The following CHD2 variants were observed in gnomAD, a reference collection of about 807,000 sequenced individuals.
CHD2 encodes the protein ATP-dependent chromatin remodeler CHD2.
Under a neutral mutation model 243.9 loss-of-function variants are expected in CHD2, and 28 were observed. The ratio of observed to expected loss-of-function variants is 0.11; its 90% CI spans 0.09 to 0.16. The LOEUF (loss-of-function observed/expected upper bound fraction) is 0.16, where lower values mean the gene tolerates loss of function less well. Among genes scored for constraint, CHD2 ranks in the 10% least tolerant of loss-of-function variants. The pLI is 1.00. For missense variants in CHD2, 1,386 were observed against 2,209.8 expected (o/e 0.63, Z 7.47); for synonymous variants, 775 against 779.0 (o/e 0.99, Z 0.09).
chr15:92,990,229 C>G lies in CHD2; in HGVS notation c.3414-1247C>G, dbSNP rs536936140. Reference sequence around the variant, plus strand: ...AACTCTCAACCTCTTCTTTACCCTCCAGTGGCTGCTGTGCTGCTGGTTACA... The same window carrying G: ...AACTCTCAACCTCTTCTTTACCCTCGAGTGGCTGCTGTGCTGCTGGTTACA... On this transcript the variant is annotated intron_variant, in intron 26 of 38. Coordinates refer to ENST00000394196, the MANE Select transcript of CHD2 (RefSeq NM_001271.4). 1.6e-4 allele frequency among the ~76,000 whole-genome samples: 25 copies of G among 152,304 alleles called. No individual in the cohort carries two copies. In the South Asian group the frequency reaches 3.9e-3, roughly 24 times the overall value.
intron 3 of CHD2, among the ~76,000 whole-genome samples, chr15:92,925,021 G>C (rs1283232011): frequency 6.6e-6 from 1 of 152,082 alleles, no homozygotes. Flanking sequence ...TTCTGGTCTT[G>C]AACTTCTGAC....
At chr15:93,005,195 G>GGA (rs2054304956) in intron 34 of CHD2, among the ~76,000 whole-genome samples, 1 of 152,188 alleles carries the variant, frequency 6.6e-6, no homozygotes, top group African/African-American at 2.4e-5. Context: ...GGGCTCTGGA[G>GGA]GAGAGAGAGT....
intron 2 of CHD2, chr15:92,901,684 C>G (rs2052530548): frequency 2.8e-6 from 1 of 352,862 alleles, no homozygotes; most frequent in South Asian, 1.2e-4. Flanking sequence ...CAAATTTTTT[C>G]TTTGAAGAAT....
intron 11 of CHD2, 38 bp from the exon 12 acceptor site, chr15:92,946,000 A>C (rs747575086): frequency 5.6e-5 from 85 of 1,527,288 alleles, no homozygotes; most frequent in Non-Finnish European, 7.2e-5. Flanking sequence ...CTTTTAATTG[A>C]CAGTTGCTAA....
intron 20 of CHD2, chr15:92,978,005 T>C (rs2053931973): frequency 2.0e-6 from 1 of 503,918 alleles, no homozygotes; most frequent in Non-Finnish European, 3.6e-6. Context: ...CCCATTGCCT[T>C]ATTAGAGTCT....
intron 22 of CHD2, among the ~76,000 whole-genome samples, chr15:92,979,512 T>C (rs745549803): frequency 2.0e-5 from 3 of 152,174 alleles, no homozygotes; most frequent in Admixed American, 1.3e-4. Flanking sequence ...TCCCTTACCT[T>C]TGCTTTTGGC....
At chr15:92,922,244 A>G (rs1425363217) in intron 2 of CHD2, among the ~76,000 whole-genome samples, 1 of 152,224 alleles carries the variant, frequency 6.6e-6, no homozygotes, top group African/African-American at 2.4e-5. Flanking sequence ...CCATTGGCCA[A>G]GTTACATAAA....
At chr15:92,933,680 A>G (rs2053216976) in intron 5 of CHD2, among the ~76,000 whole-genome samples, 1 of 152,188 alleles carries the variant, frequency 6.6e-6, no homozygotes. Context: ...TTCACAGCTC[A>G]CTGCAGCTTT....
chr15:92,954,084 A>G (rs184045414), intron 14 of CHD2: 1 of 153,850 alleles, frequency 6.5e-6, no homozygotes, highest in Admixed American at 6.5e-5. Context: ...TTATTTGGGC[A>G]TCATGAATTT....
chr15:92,997,689 T>C lies in CHD2; in HGVS notation c.3885+286T>C, dbSNP rs1423882561. 8.6e-6 allele frequency: 2 copies of C among 231,756 alleles called. No homozygotes were observed. The highest frequency in any genetic ancestry group is 1.7e-5 in the Non-Finnish European group (2 of 120,332). 14.4% of individuals were successfully genotyped at this position (231,756 alleles called of 1,614,324 possible). ...CATTACAATAAATACCCAGGTGAGT[T>C]TGTTAATGATAAAAGCATTCCTTGG... On this transcript the variant is annotated intron_variant, in intron 30 of 38. Transcript: ENST00000394196. This position sits in a 1 kb window ranked among gnomAD's most constrained non-coding sequence, Gnocchi z 4.1.
In CHD2 at chr15:92,940,716, G is replaced by T. The variant is rs1306414186; in HGVS notation, c.692+998G>T. Among the ~76,000 whole-genome samples the T allele has an allele frequency of 2.0e-5, 3 of 146,426 alleles. No individual in the cohort carries two copies. The East Asian group carries it at 5.9e-4, about 29-fold the overall frequency. ...ATCCAGGATTGTTTTTCTTTCTTGT[G>T]ACTCAATCATTCATTGTTAATATGT... On this transcript the variant is annotated intron_variant, in intron 7 of 38. Coordinates refer to ENST00000394196, the MANE Select transcript of CHD2 (RefSeq NM_001271.4).
chr15:92,993,940 TCA>T (rs1401201549), intron 28 of CHD2, among the ~76,000 whole-genome samples: 4 of 152,156 alleles, frequency 2.6e-5, no homozygotes, highest in African/African-American at 9.7e-5. Flanking sequence ...CCACTGCACT[TCA>T]GCCTGGGTGA....
intron 2 of CHD2, chr15:92,904,638 C>T: frequency 1.6e-6 from 2 of 1,245,642 alleles, no homozygotes; most frequent in Non-Finnish European, 2.0e-6. Flanking sequence ...AATGGTTTAT[C>T]CTCTTTGAGA....
chr15:92,904,659 T>C, intron 2 of CHD2: 3 of 1,278,880 alleles, frequency 2.3e-6, no homozygotes, highest in Non-Finnish European at 3.0e-6. Context: ...AGCGGCTGCT[T>C]TTGGAGAAAA....
chr15:92,913,872 G>A (rs1286520972), intron 2 of CHD2, among the ~76,000 whole-genome samples: 2 of 151,990 alleles, frequency 1.3e-5, no homozygotes, highest in Non-Finnish European at 2.9e-5. Context: ...AAAACCCTAT[G>A]ATTGAGAAAC....
intron 23 of CHD2, 120 bp downstream of exon 23, chr15:92,981,031 A>T: frequency 1.4e-6 from 1 of 723,078 alleles, no homozygotes; most frequent in South Asian, 1.7e-5. Flanking sequence ...CTTGAAGGAC[A>T]GTGTGTTTTT....
chr15:92,918,573 C>A (rs1283930640), intron 2 of CHD2, among the ~76,000 whole-genome samples: 4 of 152,028 alleles, frequency 2.6e-5, no homozygotes, highest in African/African-American at 9.7e-5. Flanking sequence ...TAGGTGAAGG[C>A]TTAAAGGACT....
rs1401029341 is a variant in CHD2 at position 93,019,988 on chromosome 15, A to G, written c.4907-24A>G. The G allele has an allele frequency of 6.3e-6, 10 of 1,599,622 alleles. No individual in the cohort carries two copies. The African/African-American group carries it at 1.2e-4, about 19-fold the overall frequency. ...AATTCATCCATTTCTTGCAGTCATC[A>G]GATCATTCTTTCTTTTCCTGCAGAT... On this transcript the variant is annotated intron_variant, in intron 37 of 38. Coordinates refer to ENST00000394196, the MANE Select transcript of CHD2 (RefSeq NM_001271.4).
intron 19 of CHD2, 24 bp from the exon 20 acceptor site, chr15:92,974,854 GT>G: frequency 6.2e-7 from 1 of 1,610,636 alleles, no homozygotes; most frequent in East Asian, 2.2e-5. Context: ...CTATCTTACA[GT>G]TTTCTTGTGG....
Sources: allele counts gnomAD v4.1 joint callset (sites outside exome capture counted in the v4.1 genomes callset), GRCh38; gene constraint gnomAD v4.1.1; non-coding constraint Gnocchi (gnomAD v3.1); transcripts MANE v1.5; gene names NCBI Gene and HGNC (gene_info 2026-07-23, HGNC 2026-07-21).